Variants in FUT8 observed in about 807,000 individuals in gnomAD.
The protein encoded by FUT8 is fucosyltransferase 8.
In FUT8, 29 loss-of-function variants were observed where a neutral mutation model predicts 71.3. The ratio of observed to expected loss-of-function variants is 0.41; its 90% CI spans 0.30 to 0.55. The LOEUF is 0.55. FUT8 is among the 20% of genes least tolerant of loss of function. FUT8 has a pLI of 0.34. For synonymous variants in FUT8, 254 were observed against 239.3 expected (o/e 1.06, Z -0.57); for missense variants, 544 against 702.1 (o/e 0.77, Z 2.55).
intron 2 of FUT8, among the ~76,000 whole-genome samples, chr14:65,519,732 C>A (rs943921534): frequency 2.0e-5 from 3 of 152,066 alleles, no homozygotes; most frequent in African/African-American, 7.2e-5. Context: ...CCAGAGTTCA[C>A]TTTGATACTC....
rs187176897 is a variant in FUT8 at position 65,638,639 on chromosome 14, C to T, written c.597+9033C>T. 6.6e-6 allele frequency among the ~76,000 whole-genome samples: 1 copy of T among 152,186 alleles called. No homozygotes were observed. The highest frequency in any genetic ancestry group is 2.4e-5 in the African/African-American group (1 of 41,516). On this transcript the variant is annotated intron_variant, in intron 6 of 10. Coordinates refer to ENST00000673929, the MANE Select transcript of FUT8 (RefSeq NM_001371533.1). The surrounding 1 kb of genome is among the most constrained non-coding windows in gnomAD (Gnocchi z 4.5). ...TACATTATTGAGGCTATTAAACATACATTTCAGCTTATGGAACCCCTCACT... is the reference window on the plus strand; with the variant it reads ...TACATTATTGAGGCTATTAAACATATATTTCAGCTTATGGAACCCCTCACT...
At chr14:65,416,268 A>G (rs1595343854) in intron 1 of FUT8, among the ~76,000 whole-genome samples, 1 of 152,164 alleles carries the variant, frequency 6.6e-6, no homozygotes, top group East Asian at 1.9e-4. Flanking sequence ...ACATAAAATT[A>G]AGATTTTTAA....
rs1000025257 is a variant in FUT8 at position 65,627,105 on chromosome 14, G to T, written c.483-2387G>T. Among the ~76,000 whole-genome samples the T allele has an allele frequency of 5.9e-5, 9 of 151,972 alleles. No homozygotes were observed. The highest frequency in any genetic ancestry group is 5.9e-4 in the Admixed American group (9 of 15,264). Reference sequence around the variant, plus strand: ...TGTGACATGCACTGTTCCACATGCTGATTTTAAATAACAAAAAACAAAAAA... The same window carrying T: ...TGTGACATGCACTGTTCCACATGCTTATTTTAAATAACAAAAAACAAAAAA... On this transcript the variant is annotated intron_variant, in intron 5 of 10. Coordinates refer to ENST00000673929, the MANE Select transcript of FUT8 (RefSeq NM_001371533.1). This position sits in a 1 kb window ranked among gnomAD's most constrained non-coding sequence, Gnocchi z 4.0.
At chr14:65,737,687 C>T (rs1012217109) in intron 10 of FUT8, among the ~76,000 whole-genome samples, 1 of 152,068 alleles carries the variant, frequency 6.6e-6, no homozygotes, top group Non-Finnish European at 1.5e-5. Context: ...ACTTTAAAGA[C>T]TAACATTGTT....
chr14:65,407,182 G>GT (rs1220964799), upstream of FUT8, among the ~76,000 whole-genome samples: 1 of 152,186 alleles, frequency 6.6e-6, no homozygotes, highest in African/African-American at 2.4e-5. Context: ...AAAAAAGCTA[G>GT]TAAGTCTGAG....
intron 7 of FUT8, among the ~76,000 whole-genome samples, chr14:65,705,548 G>C (rs1256254954): frequency 6.6e-6 from 1 of 152,122 alleles, no homozygotes; most frequent in East Asian, 1.9e-4. Context: ...CTTTTTGATA[G>C]TTCTCTAAGA....
chr14:65,703,511 C>T (rs143834283), intron 7 of FUT8, among the ~76,000 whole-genome samples: 4 of 152,324 alleles, frequency 2.6e-5, no homozygotes, highest in African/African-American at 9.6e-5. Flanking sequence ...AGCTCTCTTT[C>T]TAGAGATTTT....
intron 1 of FUT8, among the ~76,000 whole-genome samples, chr14:65,414,962 T>C (rs2065197534): frequency 6.6e-6 from 1 of 152,178 alleles, no homozygotes. Context: ...GTTGTTTTCC[T>C]ACAAATCAGT....
At position 65,498,958 on chromosome 14, in the gene FUT8, T is replaced by C. The variant is rs535112192; in HGVS notation, c.-228+43240T>C. Among the ~76,000 whole-genome samples, 7 of 152,320 alleles carry C rather than the reference T, an allele frequency of 4.6e-5. No individual in the cohort carries two copies. The South Asian group carries it at 1.5e-3, about 32-fold the overall frequency. On this transcript the variant is annotated intron_variant, in intron 2 of 10. Transcript: ENST00000673929. ...ATTACTTTTCTGAGGGTTGTAGTGG[T>C]GGTAATGGTTGTGGAAGTAGTAATA...
In FUT8 at chr14:65,636,016, T is replaced by G. The variant is rs956771195; in HGVS notation, c.597+6410T>G. ...TTTTTAATTACCATTTCAATCTTGT[T>G]GCTTGTTATTGTTCTGTTCAGGGTA... On this transcript the variant is annotated intron_variant, in intron 6 of 10. Coordinates refer to ENST00000673929, the MANE Select transcript of FUT8 (RefSeq NM_001371533.1). Among the ~76,000 whole-genome samples, 7 of 152,262 alleles carry G rather than the reference T, an allele frequency of 4.6e-5. No individual in the cohort carries two copies. In the South Asian group the frequency reaches 1.5e-3, roughly 32 times the overall value.
intron 1 of FUT8, among the ~76,000 whole-genome samples, chr14:65,427,779 T>G (rs2065412312): frequency 6.6e-6 from 1 of 152,210 alleles, no homozygotes; most frequent in African/African-American, 2.4e-5. Flanking sequence ...CACAATCCAG[T>G]TTTAGAAAAC....
intron 3 of FUT8, among the ~76,000 whole-genome samples, chr14:65,587,435 G>A (rs1887452170): frequency 6.6e-6 from 1 of 152,156 alleles, no homozygotes; most frequent in Non-Finnish European, 1.5e-5. Context: ...CGTTACACAA[G>A]TGATAATATT....
At chr14:65,578,919 A>G (rs903203647) in intron 3 of FUT8, among the ~76,000 whole-genome samples, 2 of 152,158 alleles carry the variant, frequency 1.3e-5, no homozygotes, top group African/African-American at 4.8e-5. Context: ...AAATGTATGC[A>G]AAAGCTGTTG....
the FUT8 span, among the ~76,000 whole-genome samples, chr14:65,361,083 C>T: frequency 6.6e-6 from 1 of 152,014 alleles, no homozygotes; most frequent in Non-Finnish European, 1.5e-5. Flanking sequence ...TAAAGCCAGG[C>T]ATGGTGGCTC....
chr14:65,422,484 A>C (rs574469397), intron 1 of FUT8, among the ~76,000 whole-genome samples: 1 of 151,538 alleles, frequency 6.6e-6, no homozygotes, highest in East Asian at 1.9e-4. Context: ...GTTTAGGCGG[A>C]TATTCTTTCT....
At chr14:65,716,781 G>A (rs1001415911) in intron 7 of FUT8, among the ~76,000 whole-genome samples, 1 of 152,044 alleles carries the variant, frequency 6.6e-6, no homozygotes, top group Non-Finnish European at 1.5e-5. Context: ...AGATGGGGCA[G>A]CCAGGCAGAG....
the FUT8 span, among the ~76,000 whole-genome samples, chr14:65,386,461 G>A: frequency 2.0e-3 from 260 of 129,484 alleles, 1 homozygote; most frequent in Non-Finnish European, 2.1e-3. Context: ...CTGCGATTGC[G>A]CCACTACCCT....
At chr14:65,405,335 G>A in the FUT8 span, among the ~76,000 whole-genome samples, 1 of 152,152 alleles carries the variant, frequency 6.6e-6, no homozygotes. Flanking sequence ...CAGAAATGGG[G>A]ATTTGTGATT....
At position 65,684,115 on chromosome 14, in the gene FUT8, AATAT is replaced by A. The variant is rs564897506; in HGVS notation, c.835+14644_835+14647del. 4.0e-5 allele frequency among the ~76,000 whole-genome samples: 6 copies of A among 151,772 alleles called. No homozygotes were observed. In the South Asian group the frequency reaches 1.2e-3, roughly 32 times the overall value. Reference sequence around the variant, plus strand: ...TGGTTGGCATTGATTTTATATTAAAAATATATATATATTTTATCGCATTTTCAGT... The same window carrying A: ...TGGTTGGCATTGATTTTATATTAAAAATATATATTTTATCGCATTTTCAGT... On this transcript the variant is annotated intron_variant, in intron 7 of 10. Transcript: ENST00000673929.
Sources: gnomAD v4.1 joint callset for allele counts (sites outside exome capture counted in the v4.1 genomes callset) on GRCh38, gnomAD v4.1.1 for gene constraint, Gnocchi (gnomAD v3.1) non-coding constraint, MANE v1.5 for transcripts, NCBI Gene and HGNC (gene_info 2026-07-23, HGNC 2026-07-21) for gene names.